SLC22A3: variants seen among roughly 807,000 people sequenced by gnomAD.
SLC22A3 encodes the protein EMT organic cation transporter 3.
In SLC22A3, 51 loss-of-function variants were observed where a neutral mutation model predicts 59.1. That is an observed-to-expected ratio of 0.86 (90% CI 0.69 to 1.09). SLC22A3 has a LOEUF of 1.09. SLC22A3 is among the 50% of genes least tolerant of loss of function. The pLI is 0.00. For synonymous variants in SLC22A3, 325 were observed against 292.0 expected, an observed-to-expected ratio of 1.11 and a Z score of -1.15; for missense variants, 711 against 726.3, an observed-to-expected ratio of 0.98 and a Z score of 0.24.
At chr6:160,413,860 A>G (rs1787358559) in intron 5 of SLC22A3, among the ~76,000 whole-genome samples, 1 of 152,194 alleles carries the variant, frequency 6.6e-6, no homozygotes. Context: ...CACCCTGTCT[A>G]TGTGCATTAG....
intron 1 of SLC22A3, among the ~76,000 whole-genome samples, chr6:160,351,817 G>C (rs1218747201): frequency 6.6e-6 from 1 of 152,158 alleles, no homozygotes; most frequent in Non-Finnish European, 1.5e-5. Context: ...CTTCATAGAA[G>C]AGAGACCTGA....
intron 1 of SLC22A3, among the ~76,000 whole-genome samples, chr6:160,354,427 G>C (rs1784762021): frequency 6.6e-6 from 1 of 152,204 alleles, no homozygotes. Context: ...CTTAAGCCAG[G>C]TGGGAGTCAG....
chr6:160,410,192 T>A (rs926138003), intron 4 of SLC22A3, among the ~76,000 whole-genome samples: 1 of 152,176 alleles, frequency 6.6e-6, no homozygotes, highest in African/African-American at 2.4e-5. Context: ...AATTTTTGTA[T>A]TTTTAATAGA....
chr6:160,426,043 G>A, intron 5 of SLC22A3: 1 of 985,416 alleles, frequency 1.0e-6, no homozygotes, highest in Non-Finnish European at 1.2e-6. Flanking sequence ...GTTACCATGT[G>A]CAGAAAATAT....
chr6:160,447,038 C>A (rs575224064), intron 9 of SLC22A3, among the ~76,000 whole-genome samples: 2 of 152,320 alleles, frequency 1.3e-5, no homozygotes, highest in East Asian at 1.9e-4. Flanking sequence ...TTTACCAGCA[C>A]ACCACTAGGC....
intron 9 of SLC22A3, among the ~76,000 whole-genome samples, chr6:160,444,456 AAAAATCC>A (rs1788670913): frequency 2.6e-5 from 4 of 152,178 alleles, no homozygotes; most frequent in Admixed American, 2.6e-4. Context: ...GCCCGATGCT[AAAAATCC>A]ATGTGGAGGG....
At chr6:160,406,143 G>A (rs1235585929) in intron 2 of SLC22A3, among the ~76,000 whole-genome samples, 2 of 152,278 alleles carry the variant, frequency 1.3e-5, no homozygotes, top group Non-Finnish European at 2.9e-5. Context: ...CATGGGGAAT[G>A]TTAACAAGGA....
chr6:160,354,543 A>G (rs946675555), intron 1 of SLC22A3, among the ~76,000 whole-genome samples: 1 of 152,216 alleles, frequency 6.6e-6, no homozygotes, highest in African/African-American at 2.4e-5. Flanking sequence ...CCTTAAATAT[A>G]AAGAGTCAAA....
At chr6:160,384,308 C>T (rs1174602831) in intron 1 of SLC22A3, among the ~76,000 whole-genome samples, 1 of 152,182 alleles carries the variant, frequency 6.6e-6, no homozygotes. Context: ...ATGGTCATCT[C>T]CTGAGGATGA....
At chr6:160,389,707 C>T (rs946348944) in intron 1 of SLC22A3, among the ~76,000 whole-genome samples, 7 of 152,208 alleles carry the variant, frequency 4.6e-5, no homozygotes, top group Non-Finnish European at 7.3e-5. Context: ...AATTTCAGCT[C>T]TTAACTCATG....
At chr6:160,385,705 G>A (rs2114805065) in intron 1 of SLC22A3, among the ~76,000 whole-genome samples, 1 of 152,308 alleles carries the variant, frequency 6.6e-6, no homozygotes, top group Admixed American at 6.5e-5. Flanking sequence ...TGTTAGTGAA[G>A]GGGAACAGAA....
chr6:160,435,007 C>A (rs1422741359), intron 5 of SLC22A3, among the ~76,000 whole-genome samples: 4 of 152,208 alleles, frequency 2.6e-5, no homozygotes, highest in African/African-American at 9.7e-5. Context: ...AGCTCACCAG[C>A]ATCTTCTTCC....
intron 5 of SLC22A3, among the ~76,000 whole-genome samples, chr6:160,420,843 T>C (rs1787701489): frequency 6.6e-6 from 1 of 152,208 alleles, no homozygotes; most frequent in African/African-American, 2.4e-5. Context: ...AGACACGGGA[T>C]TCCCGCCTGG....
intron 5 of SLC22A3, among the ~76,000 whole-genome samples, chr6:160,413,272 G>A (rs1016819775): frequency 2.6e-5 from 4 of 152,194 alleles, no homozygotes; most frequent in Non-Finnish European, 4.4e-5. Context: ...CATGAGCACC[G>A]TAGAGATCAT....
intron 2 of SLC22A3, among the ~76,000 whole-genome samples, chr6:160,403,843 A>C (rs1786893805): frequency 6.6e-6 from 1 of 152,058 alleles, no homozygotes; most frequent in African/African-American, 2.4e-5. Flanking sequence ...ATACAGACAA[A>C]GTATTTGTCA....
intron 4 of SLC22A3, among the ~76,000 whole-genome samples, chr6:160,409,741 G>A (rs1037346909): frequency 2.0e-5 from 3 of 152,284 alleles, no homozygotes; most frequent in Non-Finnish European, 4.4e-5. Flanking sequence ...TAATAATTGT[G>A]AAGAAAAATG....
In SLC22A3 at chr6:160,451,093, G is replaced by A. The variant is rs772082162; in HGVS notation, c.*37G>A. 28 of 1,564,506 alleles carry A rather than the reference G, an allele frequency of 1.8e-5. No individual in the cohort carries two copies. The highest frequency in any genetic ancestry group is 2.1e-5 in the Non-Finnish European group (24 of 1,148,064). ...AAGACAGAAAGAAGGAGCTATCCAG[G>A]AGCTGATCCTCCTTGCAAAGCTGTG... On this transcript the variant is annotated 3_prime_UTR_variant, in exon 11 of 11. Transcript: ENST00000275300.
intron 1 of SLC22A3, among the ~76,000 whole-genome samples, chr6:160,368,232 C>A (rs1473149095): frequency 6.6e-6 from 1 of 152,152 alleles, no homozygotes; most frequent in African/African-American, 2.4e-5. Flanking sequence ...TACGCTTCTT[C>A]GATGTCCTGC....
chr6:160,425,733 G>A, intron 5 of SLC22A3: 1 of 774,364 alleles, frequency 1.3e-6, no homozygotes, highest in Non-Finnish European at 1.6e-6. Flanking sequence ...TTGAAATCTA[G>A]GTAAGGTAAG....
Sources: gnomAD v4.1 joint callset for allele counts (sites outside exome capture counted in the v4.1 genomes callset) on GRCh38, gnomAD v4.1.1 for gene constraint, MANE v1.5 for transcripts, NCBI Gene and HGNC (gene_info 2026-07-23, HGNC 2026-07-21) for gene names.